Variants in CAMK2B observed in about 807,000 individuals in gnomAD.
CAMK2B encodes the protein calcium/calmodulin-dependent protein kinase type II subunit beta.
CAMK2B carries 27 observed loss-of-function variants against 93.7 expected under a neutral mutation model. The ratio of observed to expected loss-of-function variants is 0.29; its 90% confidence interval spans 0.21 to 0.40. CAMK2B has a LOEUF of 0.40. Ranked by LOEUF, CAMK2B falls within the 10% of genes least tolerant of loss-of-function variation. The probability of loss-of-function intolerance (pLI) is 1.00; values close to 1 mark genes in which losing one functional copy is unlikely to be tolerated. For missense variants in CAMK2B, 568 were observed against 895.8 expected (o/e 0.63, Z 4.67); for synonymous variants, 374 against 358.8 (o/e 1.04, Z -0.48).
At chr7:44,235,856 C>A (rs2096620661) in intron 13 of CAMK2B, among the ~76,000 whole-genome samples, 1 of 152,246 alleles carries the variant, frequency 6.6e-6, no homozygotes, top group African/African-American at 2.4e-5. Flanking sequence ...AGGACCCTGG[C>A]TGGCCAGGCC....
intron 1 of CAMK2B, among the ~76,000 whole-genome samples, chr7:44,319,399 A>C (rs894777180): frequency 9.8e-5 from 15 of 152,300 alleles, no homozygotes; most frequent in African/African-American, 3.1e-4. Context: ...ATGGAGCAAA[A>C]ATGAGGGAAA....
chr7:44,247,407 GC>G (rs1227347646), intron 5 of CAMK2B, among the ~76,000 whole-genome samples: 1 of 152,140 alleles, frequency 6.6e-6, no homozygotes, highest in Non-Finnish European at 1.5e-5. Flanking sequence ...TCCCCTCTGG[GC>G]CCATATCTGT....
chr7:44,266,565 T>TG (rs1274869518), intron 2 of CAMK2B, among the ~76,000 whole-genome samples: 2 of 152,224 alleles, frequency 1.3e-5, no homozygotes, highest in Admixed American at 6.5e-5. Context: ...AGCCTCATTC[T>TG]GGGGGGTTCT....
At chr7:44,242,014 C>T (rs1290413271) in intron 10 of CAMK2B, among the ~76,000 whole-genome samples, 1 of 152,196 alleles carries the variant, frequency 6.6e-6, no homozygotes, top group Non-Finnish European at 1.5e-5. Context: ...GGGATCACCT[C>T]TACCCTCTAA....
At chr7:44,292,526 G>A (rs995673830) in intron 1 of CAMK2B, among the ~76,000 whole-genome samples, 6 of 152,144 alleles carry the variant, frequency 3.9e-5, no homozygotes, top group African/African-American at 1.4e-4. Flanking sequence ...CAGATGATAG[G>A]TGCAAAAGGG....
At chr7:44,247,569 A>G (rs1344261546) in intron 5 of CAMK2B, among the ~76,000 whole-genome samples, 1 of 151,516 alleles carries the variant, frequency 6.6e-6, no homozygotes, top group African/African-American at 2.4e-5. Context: ...TGAGGTGAGC[A>G]GGCCGGGCGA....
intron 2 of CAMK2B, among the ~76,000 whole-genome samples, chr7:44,277,089 CG>C (rs2097053708): frequency 6.6e-6 from 1 of 152,056 alleles, no homozygotes; most frequent in Non-Finnish European, 1.5e-5. Context: ...CTACACAGGG[CG>C]TCCAACAAGG....
At chr7:44,292,694 G>A (rs902772419) in intron 1 of CAMK2B, among the ~76,000 whole-genome samples, 5 of 152,242 alleles carry the variant, frequency 3.3e-5, no homozygotes, top group African/African-American at 1.2e-4. Context: ...TAACCTATTT[G>A]ACCATAGAAA....
At chr7:44,239,056 G>GACTTTC (rs2096651574) in intron 13 of CAMK2B, among the ~76,000 whole-genome samples, 1 of 152,200 alleles carries the variant, frequency 6.6e-6, no homozygotes, top group African/African-American at 2.4e-5. Context: ...TCTCCTCAGG[G>GACTTTC]TGCATAAAAC....
intron 20 of CAMK2B, among the ~76,000 whole-genome samples, chr7:44,223,384 C>T (rs1228166720): frequency 6.6e-6 from 1 of 152,176 alleles, no homozygotes; most frequent in Non-Finnish European, 1.5e-5. Flanking sequence ...CCTGGTGGAC[C>T]CCGGAAAGCT....
At chr7:44,243,816 C>G (rs2096705102) in intron 6 of CAMK2B, among the ~76,000 whole-genome samples, 1 of 152,200 alleles carries the variant, frequency 6.6e-6, no homozygotes, top group African/African-American at 2.4e-5. Context: ...TCCCCATAAC[C>G]TGGAAGGGCG....
chr7:44,276,764 C>T (rs1363942667), intron 2 of CAMK2B, among the ~76,000 whole-genome samples: 1 of 152,196 alleles, frequency 6.6e-6, no homozygotes, highest in Non-Finnish European at 1.5e-5. Flanking sequence ...ACCTGGGAGC[C>T]CCACGCTGGC....
rs111957550 is a variant in CAMK2B, at chr7:44,224,931, C to T, written c.1597+1585G>A. Among the ~76,000 whole-genome samples, 12 of 152,142 alleles carry T rather than the reference C, an allele frequency of 7.9e-5. No homozygotes were observed. The highest frequency in any genetic ancestry group is 1.9e-4 in the African/African-American group (8 of 41,520). On this transcript the variant is annotated intron_variant, in intron 20 of 23. Coordinates refer to ENST00000395749, the MANE Select transcript of CAMK2B (RefSeq NM_001220.5). This position sits in a 1 kb window ranked among gnomAD's most constrained non-coding sequence, Gnocchi z 4.4. ...CCAGACTCTTCCTTTCCCTGAGTTC[C>T]GGAACATCTCACCCACCCCTTTCCC...
intron 18 of CAMK2B, 29 bp downstream of exon 18, chr7:44,229,359 C>G (rs1209633631): frequency 2.1e-6 from 3 of 1,451,538 alleles, no homozygotes; most frequent in Non-Finnish European, 2.8e-6. Context: ...CAACATGACC[C>G]CCACAGCAGC....
chr7:44,231,617 C>T (rs557506440), intron 16 of CAMK2B, among the ~76,000 whole-genome samples: 90 of 152,352 alleles, frequency 5.9e-4, no homozygotes, highest in Middle Eastern at 3.4e-3. Flanking sequence ...TCTGCAGATC[C>T]GCACAGGGCT....
At chr7:44,220,802 C>A (rs374455632) in intron 21 of CAMK2B, 24 bp downstream of exon 21, 110 of 1,557,574 alleles carry the variant, frequency 7.1e-5, no homozygotes, top group African/African-American at 3.1e-4. Context: ...CCTGCACAGC[C>A]CCCCCCCAGC....
At chr7:44,277,130 C>T (rs1348932512) in intron 2 of CAMK2B, among the ~76,000 whole-genome samples, 1 of 151,858 alleles carries the variant, frequency 6.6e-6, no homozygotes, top group Non-Finnish European at 1.5e-5. Flanking sequence ...AAAGAACAGC[C>T]GTTCATTGTG....
intron 5 of CAMK2B, among the ~76,000 whole-genome samples, chr7:44,253,554 C>G (rs1434712675): frequency 6.6e-6 from 1 of 152,120 alleles, no homozygotes; most frequent in East Asian, 1.9e-4. Flanking sequence ...AATTTAAAAT[C>G]ATCCACAATT....
At chr7:44,279,184 T>C (rs1301278919) in intron 2 of CAMK2B, among the ~76,000 whole-genome samples, 1 of 152,196 alleles carries the variant, frequency 6.6e-6, no homozygotes, top group East Asian at 1.9e-4. Context: ...CATGCTGAGA[T>C]ATTTATGCAC....
Sources: allele counts gnomAD v4.1 joint callset (sites outside exome capture counted in the v4.1 genomes callset), GRCh38; gene constraint gnomAD v4.1.1; non-coding constraint Gnocchi (gnomAD v3.1); transcripts MANE v1.5; gene names NCBI Gene and HGNC (gene_info 2026-07-23, HGNC 2026-07-21).